Variants in GDPD5 observed in about 807,000 individuals in gnomAD.
GDPD5 encodes the protein glycerophosphodiester phosphodiesterase domain containing 5, also known as glycerophosphodiester phosphodiesterase 2.
In GDPD5, 48 loss-of-function variants were observed where a neutral mutation model predicts 75.1. The ratio of observed to expected loss-of-function variants is 0.64; its 90% confidence interval spans 0.51 to 0.81. The LOEUF is 0.81. Ranked by LOEUF, GDPD5 falls within the 40% of genes least tolerant of loss-of-function variation. The probability of loss-of-function intolerance (pLI) is 0.00; values close to 1 mark genes in which losing one functional copy is unlikely to be tolerated. For synonymous variants in GDPD5, 336 were observed against 339.0 expected (o/e 0.99, Z 0.10); for missense variants, 706 against 822.6 (o/e 0.86, Z 1.73).
intron 1 of GDPD5, among the ~76,000 whole-genome samples, chr11:75,515,631 C>T (rs1403846305): frequency 1.3e-5 from 2 of 152,194 alleles, no homozygotes; most frequent in Non-Finnish European, 2.9e-5. Context: ...CAATGACTGC[C>T]CAGCTCTAAG....
At chr11:75,456,451 G>A (rs968351211) in intron 6 of GDPD5, 15 of 425,778 alleles carry the variant, frequency 3.5e-5, no homozygotes, top group African/African-American at 2.6e-4. Flanking sequence ...GCGGGACCCT[G>A]GATCTTCCAT....
At chr11:75,442,230 G>A in intron 12 of GDPD5, 133 bp downstream of exon 12, 2 of 667,990 alleles carry the variant, frequency 3.0e-6, no homozygotes, top group South Asian at 1.9e-5. Flanking sequence ...TGCCAGGGAA[G>A]TGAGCAGTGT....
chr11:75,462,028 C>A (rs1393103267), intron 4 of GDPD5, among the ~76,000 whole-genome samples: 1 of 152,200 alleles, frequency 6.6e-6, no homozygotes, highest in Non-Finnish European at 1.5e-5. Flanking sequence ...CTGAGGTACC[C>A]ACAAAGGACC....
chr11:75,436,366 C>T (rs1346903407), intron 16 of GDPD5, among the ~76,000 whole-genome samples: 1 of 152,178 alleles, frequency 6.6e-6, no homozygotes, highest in Non-Finnish European at 1.5e-5. Flanking sequence ...ACTCGGCCCT[C>T]ATCTTGAAGC....
intron 9 of GDPD5, among the ~76,000 whole-genome samples, chr11:75,446,298 G>T (rs768557330): frequency 5.3e-5 from 8 of 152,204 alleles, no homozygotes; most frequent in Non-Finnish European, 1.0e-4. Context: ...ACCTCCTGGA[G>T]AAAGAGATAT....
At chr11:75,516,345 C>T (rs1029633783) in intron 1 of GDPD5, among the ~76,000 whole-genome samples, 1 of 152,188 alleles carries the variant, frequency 6.6e-6, no homozygotes, top group African/African-American at 2.4e-5. Context: ...TGCACTATCC[C>T]GTGTTGATTT....
intron 6 of GDPD5, chr11:75,455,182 A>G (rs1274739221): frequency 2.5e-6 from 1 of 405,908 alleles, no homozygotes; most frequent in African/African-American, 2.1e-5. Context: ...TCTCCACTAG[A>G]ATCAAGCATG....
chr11:75,449,225 G>C (rs1222293946), intron 8 of GDPD5, 103 bp from the exon 9 acceptor site: 1 of 1,375,822 alleles, frequency 7.3e-7, no homozygotes. Context: ...AGGTGCTCTA[G>C]GGGGAAGCCC....
In GDPD5 at chr11:75,438,448, C is replaced by G. The variant is rs999061951; in HGVS notation, c.1557-1400G>C. ...ACTGAATCACCATGGGGTGGCCTCC[C>G]CAGCACCCTGGGGCTCCATGTGAGA... On this transcript the variant is annotated intron_variant, in intron 15 of 16. Transcript: ENST00000336898. 8 of 152,414 alleles carry G rather than the reference C, an allele frequency of 5.2e-5. No homozygotes were observed. In the South Asian group the frequency reaches 6.2e-4, roughly 12 times the overall value. 9.4% of individuals were successfully genotyped at this position (152,414 alleles called of 1,614,324 possible).
intron 10 of GDPD5, 91 bp from the exon 11 acceptor site, chr11:75,443,377 C>T: frequency 7.0e-7 from 1 of 1,438,196 alleles, no homozygotes; most frequent in East Asian, 2.5e-5. Context: ...CCTCCCCACC[C>T]AGCACAGGAT....
intron 2 of GDPD5, among the ~76,000 whole-genome samples, chr11:75,483,582 T>C (rs935870360): frequency 1.3e-5 from 2 of 152,218 alleles, no homozygotes; most frequent in African/African-American, 2.4e-5. Flanking sequence ...TGAATTGCTA[T>C]GTGACCTTGG....
chr11:75,449,425 C>A, intron 8 of GDPD5, 92 bp downstream of exon 8: 1 of 1,305,252 alleles, frequency 7.7e-7, no homozygotes, highest in Non-Finnish European at 1.1e-6. Flanking sequence ...CATCCCCAGG[C>A]CACCCCCAGG....
intron 1 of GDPD5, among the ~76,000 whole-genome samples, chr11:75,502,761 A>G (rs1592145817): frequency 6.6e-6 from 1 of 152,202 alleles, no homozygotes; most frequent in Non-Finnish European, 1.5e-5. Flanking sequence ...AGAGCCCTGC[A>G]CCACCGTGTA....
chr11:75,466,620 G>C (rs551657424), intron 3 of GDPD5, among the ~76,000 whole-genome samples: 1 of 152,216 alleles, frequency 6.6e-6, no homozygotes, highest in South Asian at 2.1e-4. Context: ...TTATTTAGGG[G>C]TATCTACCCC....
intron 3 of GDPD5, among the ~76,000 whole-genome samples, chr11:75,474,598 C>T (rs1349290430): frequency 5.3e-5 from 8 of 151,634 alleles, no homozygotes; most frequent in Admixed American, 1.3e-4. Flanking sequence ...ATTTGTTAAG[C>T]GTGTATCCTG....
intron 4 of GDPD5, among the ~76,000 whole-genome samples, chr11:75,460,117 C>T (rs1331142344): frequency 6.6e-6 from 1 of 152,138 alleles, no homozygotes; most frequent in East Asian, 1.9e-4. Flanking sequence ...GCAAGACTTG[C>T]TCCTGATAAC....
chr11:75,443,284 A>C lies in GDPD5; in HGVS notation c.800T>G (p.Leu267Arg), dbSNP rs1280596045. The change falls in exon 11 of 17, where the codon CTG (leucine) becomes CGG (arginine). Residue 267 changes from leucine (L) to arginine (R), a missense_variant and splice_region_variant. Physicochemically the swap from Leu to Arg is moderately radical, Grantham distance 102. Transcript: ENST00000336898. ...YGLQADITIS[L>R]DGVPFLMHDT... ...ATGCATGAGGAAGGGCACGCCGTCC[A>C]GGCTGCAGGGAGGGTGGGGCCACCG... is the stretch of plus-strand genomic sequence containing the variant. The C allele has an allele frequency of 6.2e-7, 1 of 1,606,644 alleles. No homozygotes were observed. Among genetic ancestry groups the C allele is most frequent in the Non-Finnish European group, 8.5e-7 (1 of 1,177,742 alleles).
intron 15 of GDPD5, among the ~76,000 whole-genome samples, chr11:75,439,152 C>T (rs559291795): frequency 2.2e-4 from 34 of 152,296 alleles, no homozygotes; most frequent in Admixed American, 1.2e-3. Context: ...GGGACACACA[C>T]GGCAGTGGGA....
rs919022568 is a variant in GDPD5 at position 75,449,826 on chromosome 11, A to G, written c.474+59T>C. On this transcript the variant is annotated intron_variant, in intron 7 of 16. Coordinates refer to ENST00000336898, the MANE Select transcript of GDPD5 (RefSeq NM_030792.8). ...CCCTTCTTTGGGCCTTGGTCTGGAG[A>G]AAGGGAAGTGACAGAAAGGCTCTTG... 16 of 1,550,874 alleles carry G rather than the reference A, an allele frequency of 1.0e-5. No homozygotes were observed. In the East Asian group the frequency reaches 3.6e-4, roughly 35 times the overall value.
Sources: gnomAD v4.1 joint callset for allele counts (sites outside exome capture counted in the v4.1 genomes callset) on GRCh38, gnomAD v4.1.1 for gene constraint, MANE v1.5 for transcripts, NCBI Gene and HGNC (gene_info 2026-07-23, HGNC 2026-07-21) for gene names.